DDX60: variants seen among roughly 807,000 people sequenced by gnomAD.
DDX60 encodes the protein DExD/H-box helicase 60.
In DDX60, 165 loss-of-function variants were observed where a neutral mutation model predicts 212.8. The ratio of observed to expected loss-of-function variants is 0.78; its 90% CI spans 0.68 to 0.88. The LOEUF (loss-of-function observed/expected upper bound fraction) is 0.88, where lower values mean the gene tolerates loss of function less well. Ranked by LOEUF, DDX60 falls within the 40% of genes least tolerant of loss-of-function variation. The pLI is 0.00. For missense variants in DDX60, 1,905 were observed against 2,003.9 expected (o/e 0.95, Z 0.94); for synonymous variants, 703 against 685.3 (o/e 1.03, Z -0.40).
Position 168,217,190 on chromosome 4 carries a change from A to G in DDX60, c.5040-158T>C, listed in dbSNP as rs549533173. On this transcript the variant is annotated intron_variant, in intron 37 of 37. Transcript: ENST00000393743. ...ATGATAAGAAACATATTTCTCCTAA[A>G]AAATCTTGTATAAAAAATTTAAGAA... Among the ~76,000 whole-genome samples the G allele has an allele frequency of 4.6e-5, 7 of 152,260 alleles. No homozygotes were observed. In the South Asian group the frequency reaches 1.4e-3, roughly 32 times the overall value.
At chr4:168,306,258 T>A in intron 5 of DDX60, 121 bp downstream of exon 5, 1 of 605,458 alleles carries the variant, frequency 1.7e-6, no homozygotes, top group Middle Eastern at 3.6e-4. Context: ...TATTATTAAT[T>A]GTTATACCTA....
At chr4:168,249,326 C>T (rs1194065151) in intron 28 of DDX60, among the ~76,000 whole-genome samples, 2 of 152,108 alleles carry the variant, frequency 1.3e-5, no homozygotes, top group Non-Finnish European at 2.9e-5. Flanking sequence ...TTCTAATCAT[C>T]TTCTCTTTCT....
At chr4:168,262,612 A>C in intron 23 of DDX60, 71 bp downstream of exon 23, 1 of 1,011,076 alleles carries the variant, frequency 9.9e-7, no homozygotes, top group Non-Finnish European at 1.5e-6. Flanking sequence ...GATGCCAGTG[A>C]TTAGAAAGGG....
intron 28 of DDX60, among the ~76,000 whole-genome samples, chr4:168,250,135 T>C (rs1734163301): frequency 6.6e-6 from 1 of 152,190 alleles, no homozygotes; most frequent in Admixed American, 6.5e-5. Flanking sequence ...TGAAAGTTAT[T>C]TTAGTATTCC....
At chr4:168,231,693 T>C (rs374632882) in intron 33 of DDX60, among the ~76,000 whole-genome samples, 27 of 151,970 alleles carry the variant, frequency 1.8e-4, no homozygotes, top group East Asian at 9.7e-4. Context: ...TCAGCAAAAT[T>C]GGCATAGAAA....
intron 2 of DDX60, 74 bp from the exon 3 acceptor site, chr4:168,311,141 A>G: frequency 1.4e-6 from 2 of 1,420,574 alleles, no homozygotes; most frequent in East Asian, 2.4e-5. Flanking sequence ...GCTATCATTT[A>G]GTTATTATTC....
intron 30 of DDX60, among the ~76,000 whole-genome samples, chr4:168,243,675 C>T (rs569156708): frequency 1.4e-4 from 21 of 152,264 alleles, no homozygotes; most frequent in Middle Eastern, 3.4e-3. Flanking sequence ...TCAGTCCAAC[C>T]GCATTGTGGA....
chr4:168,255,188 T>G lies in DDX60; in HGVS notation c.3557+523A>C, dbSNP rs528492148. Among the ~76,000 whole-genome samples the G allele has an allele frequency of 1.6e-4, 24 of 152,196 alleles. No homozygotes were observed. In the East Asian group the frequency reaches 4.2e-3, roughly 27 times the overall value. ...GGGGATAAACATTTTGGCCCTAGAG[T>G]TGACAGAATTAGACATTGAGAGCAA... On this transcript the variant is annotated intron_variant, in intron 26 of 37. Coordinates refer to ENST00000393743, the MANE Select transcript of DDX60 (RefSeq NM_017631.6).
At chr4:168,277,253 A>C (rs1235050501) in intron 14 of DDX60, among the ~76,000 whole-genome samples, 6 of 152,304 alleles carry the variant, frequency 3.9e-5, no homozygotes, top group African/African-American at 1.4e-4. Flanking sequence ...TCAGCGTGCC[A>C]GGGAAGCATG....
At chr4:168,271,907 C>T in intron 19 of DDX60, 136 bp downstream of exon 19, 1 of 674,190 alleles carries the variant, frequency 1.5e-6, no homozygotes, top group Admixed American at 2.9e-5. Flanking sequence ...CCTGAAAAAT[C>T]ACTCAGGAAA....
chr4:168,260,367 T>G (rs1734576925), intron 25 of DDX60, among the ~76,000 whole-genome samples: 2 of 152,312 alleles, frequency 1.3e-5, no homozygotes, highest in South Asian at 4.1e-4. Flanking sequence ...ATGCGGTTTT[T>G]AAACAAAACG....
chr4:168,293,537 G>C (rs765791559), intron 7 of DDX60, among the ~76,000 whole-genome samples: 5 of 152,118 alleles, frequency 3.3e-5, no homozygotes, highest in African/African-American at 1.2e-4. Flanking sequence ...ATCCTGTCTT[G>C]TTTCATTTTC....
chr4:168,317,057 C>CAAAAAAAAAAAAAAAAAA, intron 1 of DDX60, among the ~76,000 whole-genome samples: 1 of 49,804 alleles, frequency 2.0e-5, no homozygotes, highest in East Asian at 5.3e-4. Flanking sequence ...GACTCCGTCT[C>CAAAAAAAAAAAAAAAAAA]AAAAAAAAAA....
At chr4:168,288,083 T>G (rs1735937052) in intron 9 of DDX60, 91 bp downstream of exon 9, 1 of 846,598 alleles carries the variant, frequency 1.2e-6, no homozygotes, top group South Asian at 2.1e-5. Flanking sequence ...TGTTATATGT[T>G]GGAAGTACAG....
At chr4:168,296,211 T>C (rs912993847) in intron 6 of DDX60, among the ~76,000 whole-genome samples, 3 of 152,220 alleles carry the variant, frequency 2.0e-5, no homozygotes, top group Non-Finnish European at 4.4e-5. Flanking sequence ...CATGTAATCA[T>C]GTCACGTTGT....
chr4:168,264,689 G>C (rs1453187494), intron 22 of DDX60, among the ~76,000 whole-genome samples: 1 of 152,120 alleles, frequency 6.6e-6, no homozygotes, highest in South Asian at 2.1e-4. Flanking sequence ...AACAGACTTA[G>C]TAAAATGCCT....
At chr4:168,300,564 T>C (rs1489119396) in intron 6 of DDX60, among the ~76,000 whole-genome samples, 1 of 150,136 alleles carries the variant, frequency 6.7e-6, no homozygotes, top group East Asian at 1.9e-4. Context: ...CTACGATCTA[T>C]GTGTTTAACA....
intron 8 of DDX60, among the ~76,000 whole-genome samples, chr4:168,291,527 A>G (rs1249276285): frequency 2.6e-5 from 4 of 152,230 alleles, no homozygotes; most frequent in African/African-American, 7.2e-5. Flanking sequence ...ACAAAGGAAA[A>G]ATAGAGAGGC....
chr4:168,290,646 G>A (rs756796343), intron 8 of DDX60, among the ~76,000 whole-genome samples: 4 of 151,944 alleles, frequency 2.6e-5, no homozygotes, highest in South Asian at 2.1e-4. Flanking sequence ...GTGAGCCACC[G>A]CGGCCGGCCT....
Sources: gnomAD v4.1 joint callset for allele counts (sites outside exome capture counted in the v4.1 genomes callset) on GRCh38, gnomAD v4.1.1 for gene constraint, MANE v1.5 for transcripts, NCBI Gene and HGNC (gene_info 2026-07-23, HGNC 2026-07-21) for gene names.